ALX4: variants seen among roughly 807,000 people sequenced by gnomAD.
ALX4 encodes the protein homeobox protein aristaless-like 4.
Under a neutral mutation model 40.6 loss-of-function variants are expected in ALX4, and 22 were observed. The ratio of observed to expected loss-of-function variants is 0.54; its 90% CI spans 0.39 to 0.77. The LOEUF is 0.77. Among genes scored for constraint, ALX4 ranks in the 30% least tolerant of loss-of-function variants. The pLI, the probability that ALX4 is intolerant of heterozygous loss-of-function variation, is 0.00. For synonymous variants in ALX4, 266 were observed against 240.5 expected, an observed-to-expected ratio of 1.11 and a Z score of -0.98; for missense variants, 556 against 564.8, an observed-to-expected ratio of 0.98 and a Z score of 0.16.
intron 3 of ALX4, 101 bp downstream of exon 3, chr11:44,267,393 G>A: frequency 6.7e-7 from 1 of 1,502,636 alleles, no homozygotes; most frequent in Non-Finnish European, 9.1e-7. Flanking sequence ...GCAGCCTGGA[G>A]CCATAAGTCA....
intron 1 of ALX4, among the ~76,000 whole-genome samples, chr11:44,282,296 A>G (rs1448861437): frequency 6.6e-6 from 1 of 152,196 alleles, no homozygotes; most frequent in Non-Finnish European, 1.5e-5. Flanking sequence ...TAAAAGCACA[A>G]TGAGATACCA....
rs1956178352 is a variant in ALX4, at chr11:44,260,820, G to T, written c.*4034C>A. 6.6e-6 allele frequency: 1 copy of T among 151,950 alleles called. No individual in the cohort carries two copies. Among genetic ancestry groups the T allele is most frequent in the African/African-American group, 2.4e-5 (1 of 41,332 alleles). The allele number at this position is 151,950 out of a possible 1,614,324, so 9.4% of individuals were successfully genotyped here. ...TAAAGGAAAAGTTGCATTTATACAG[G>T]GTTAAAATATCTTACAATGAGAACA... is the stretch of plus-strand genomic sequence containing the variant. On this transcript the variant is annotated 3_prime_UTR_variant, in exon 4 of 4. Coordinates refer to ENST00000652299, the MANE Select transcript of ALX4 (RefSeq NM_021926.4).
In ALX4 at chr11:44,287,801, T is replaced by A. The variant is rs573109798; in HGVS notation, c.467-12143A>T. The stretch of plus-strand genomic sequence containing the variant: ...GCTGCTCTCAGCTGCCTCAAGAGAT[T>A]GGCCCCCTTGCAACAACCTTCAAGG... On this transcript the variant is annotated intron_variant, in intron 1 of 3. Transcript: ENST00000652299. 2.6e-5 allele frequency among the ~76,000 whole-genome samples: 4 copies of A among 152,110 alleles called. No homozygotes were observed. The South Asian group carries it at 8.3e-4, about 32-fold the overall frequency.
intron 1 of ALX4, among the ~76,000 whole-genome samples, chr11:44,299,456 G>T (rs545540684): frequency 6.6e-6 from 1 of 151,304 alleles, no homozygotes; most frequent in South Asian, 2.1e-4. Flanking sequence ...CGCCTCCCGG[G>T]TTCACACCAT....
chr11:44,270,604 G>T, intron 2 of ALX4, among the ~76,000 whole-genome samples: 1 of 152,126 alleles, frequency 6.6e-6, no homozygotes, highest in East Asian at 1.9e-4. Flanking sequence ...GACCCCTGGC[G>T]CCCCAGGGGC....
intron 1 of ALX4, among the ~76,000 whole-genome samples, chr11:44,294,834 AT>A (rs1409583688): frequency 7.6e-5 from 3 of 39,548 alleles, no homozygotes; most frequent in African/African-American, 3.3e-4. Context: ...TTACCTATTT[AT>A]TTATTTATTT....
chr11:44,270,618 G>A (rs368519034), intron 2 of ALX4, among the ~76,000 whole-genome samples: 43 of 152,136 alleles, frequency 2.8e-4, no homozygotes, highest in African/African-American at 8.9e-4. Flanking sequence ...CAGGGGCTCC[G>A]AGAGCTCCCT....
chr11:44,309,728 G>A lies in ALX4; in HGVS notation c.335C>T (p.Pro112Leu), dbSNP rs751385178. 1.9e-6 allele frequency: 3 copies of A among 1,559,240 alleles called. No homozygotes were observed. The highest frequency in any genetic ancestry group is 2.3e-5 in the South Asian group (2 of 85,420). The change falls in exon 1 of 4, where the codon CCG (proline) becomes CTG (leucine). Residue 112 changes from proline to leucine, a missense_variant. Coordinates refer to ENST00000652299, the MANE Select transcript of ALX4 (RefSeq NM_021926.4). Reference sequence around the variant, plus strand: ...CGGTTGCGCGGGCGGCTGGGGCTGCGGCTGCTGCTGCTGCGGCTGCGGCTG... The same window carrying A: ...CGGTTGCGCGGGCGGCTGGGGCTGCAGCTGCTGCTGCTGCGGCTGCGGCTG... ...PPQPQPQQQQ[P>L]QPQPPAQPHL...
rs78795983 is a variant in ALX4, at chr11:44,275,294, G to A, written c.777+54C>T. On this transcript the variant is annotated intron_variant, in intron 2 of 3. Coordinates refer to ENST00000652299, the MANE Select transcript of ALX4 (RefSeq NM_021926.4). Reference sequence around the variant, plus strand: ...CAGGAGACCCCAACTGCAGCCAAGAGCCCAGGGACAGGCTCTGCTTTACCA... The same window carrying A: ...CAGGAGACCCCAACTGCAGCCAAGAACCCAGGGACAGGCTCTGCTTTACCA... The A allele has an allele frequency of 2.2e-3, 3,463 of 1,594,682 alleles. 56 individuals carry two copies. The African/African-American group carries it at 0.041, about 19-fold the overall frequency.
intron 1 of ALX4, among the ~76,000 whole-genome samples, chr11:44,303,293 A>T (rs1051600735): frequency 6.6e-6 from 1 of 152,206 alleles, no homozygotes; most frequent in Non-Finnish European, 1.5e-5. Context: ...CGATGAAGCA[A>T]GCACTGGCTC....
chr11:44,278,660 GACC>G, intron 1 of ALX4, among the ~76,000 whole-genome samples: 1 of 152,298 alleles, frequency 6.6e-6, no homozygotes, highest in African/African-American at 2.4e-5. Context: ...GGTGTGCGAA[GACC>G]ACCAGGCCAA....
At chr11:44,286,931 G>A (rs577733412) in intron 1 of ALX4, among the ~76,000 whole-genome samples, 4 of 152,296 alleles carry the variant, frequency 2.6e-5, no homozygotes, top group South Asian at 4.2e-4. Flanking sequence ...GACCCATGGG[G>A]ATTCCTTGGC....
chr11:44,275,958 C>T (rs554377535), intron 1 of ALX4, among the ~76,000 whole-genome samples: 156 of 152,312 alleles, frequency 1.0e-3, no homozygotes, highest in Middle Eastern at 6.8e-3. Context: ...GACCTTTAAT[C>T]CCCACCTCAC....
intron 1 of ALX4, among the ~76,000 whole-genome samples, chr11:44,276,653 TA>T (rs1228364596): frequency 6.6e-6 from 1 of 152,196 alleles, no homozygotes; most frequent in Non-Finnish European, 1.5e-5. Flanking sequence ...CAACAGTCCC[TA>T]CCTTTTTGGC....
At chr11:44,295,895 A>G (rs11037943) in intron 1 of ALX4, among the ~76,000 whole-genome samples, 63,429 of 152,166 alleles carry the variant, frequency 0.42, 13,639 homozygotes, top group Admixed American at 0.51. Context: ...CCAGGGGCCT[A>G]GCCAGGGCCA....
intron 1 of ALX4, among the ~76,000 whole-genome samples, chr11:44,295,606 G>A (rs1956398500): frequency 1.3e-5 from 2 of 152,228 alleles, no homozygotes; most frequent in Non-Finnish European, 2.9e-5. Flanking sequence ...ATGGCCTAGG[G>A]TAGGGGACAG....
chr11:44,302,119 G>A (rs1178706323), intron 1 of ALX4, among the ~76,000 whole-genome samples: 2 of 152,164 alleles, frequency 1.3e-5, no homozygotes, highest in Non-Finnish European at 2.9e-5. Context: ...CCCTGGGGGC[G>A]CCTCTGGAGG....
chr11:44,284,734 T>C (rs536782281), intron 1 of ALX4, among the ~76,000 whole-genome samples: 1 of 152,344 alleles, frequency 6.6e-6, no homozygotes, highest in East Asian at 1.9e-4. Context: ...GCGGGCACCC[T>C]TCCTTCTACC....
chr11:44,281,259 A>T (rs1339366808), intron 1 of ALX4, among the ~76,000 whole-genome samples: 1 of 151,944 alleles, frequency 6.6e-6, no homozygotes, highest in Non-Finnish European at 1.5e-5. Flanking sequence ...TGTGGGGAAC[A>T]TATGTGTAGT....
Sources: allele counts gnomAD v4.1 joint callset (sites outside exome capture counted in the v4.1 genomes callset), GRCh38; gene constraint gnomAD v4.1.1; transcripts MANE v1.5; gene names NCBI Gene and HGNC (gene_info 2026-07-23, HGNC 2026-07-21).